The following ZNF184 variants were observed in gnomAD, a reference collection of about 807,000 sequenced individuals.
ZNF184 encodes zinc finger protein 184 (Kruppel-like).
ZNF184 carries 16 observed loss-of-function variants against 54.4 expected under a neutral mutation model. That is an observed-to-expected ratio of 0.29 (90% confidence interval 0.20 to 0.45). The LOEUF (loss-of-function observed/expected upper bound fraction) is 0.45. Ranked by LOEUF, ZNF184 falls within the 20% of genes least tolerant of loss-of-function variation. The pLI is 1.00. For synonymous variants in ZNF184, 254 were observed against 295.3 expected, an observed-to-expected ratio of 0.86 and a Z score of 1.43; for missense variants, 681 against 888.2, an observed-to-expected ratio of 0.77 and a Z score of 2.97.
the ZNF184 span, among the ~76,000 whole-genome samples, chr6:27,429,533 A>G: frequency 6.6e-6 from 1 of 152,154 alleles, no homozygotes; most frequent in East Asian, 1.9e-4. Context: ...AGCTCTCATC[A>G]GTCAGTGGTG....
intron 3 of ZNF184, among the ~76,000 whole-genome samples, chr6:27,464,972 G>A (rs1347366287): frequency 2.4e-5 from 3 of 124,480 alleles, no homozygotes; most frequent in East Asian, 2.4e-4. Context: ...AGCCGAGATC[G>A]CCCCACTGCA....
chr6:27,456,859 T>C lies in ZNF184; in HGVS notation c.265A>G (p.Met89Val), dbSNP rs1198525191. The C allele has an allele frequency of 1.2e-6, 2 of 1,614,188 alleles. No individual in the cohort carries two copies. The highest frequency in any genetic ancestry group is 1.7e-6 in the Non-Finnish European group (2 of 1,180,022). Residue 89 changes from methionine (M) to valine (V), a missense_variant, in exon 5 of 6, where the codon ATG becomes GTG. Coordinates refer to ENST00000683788, the MANE Select transcript of ZNF184 (RefSeq NM_001318891.2). ...QLEQGTEPWI[M>V]EPSIPVGTCA... Reference sequence around the variant, plus strand: ...GTACCTACTGGAATGCTTGGCTCCATGATCCATGGCTCTGTCCCTTGCTCT... The same window carrying C: ...GTACCTACTGGAATGCTTGGCTCCACGATCCATGGCTCTGTCCCTTGCTCT...
At chr6:27,416,796 T>A in the ZNF184 span, among the ~76,000 whole-genome samples, 1 of 152,332 alleles carries the variant, frequency 6.6e-6, no homozygotes, top group East Asian at 1.9e-4. Flanking sequence ...TTGGAATTTT[T>A]AAAGTAATTT....
chr6:27,442,053 C>T, the ZNF184 span, among the ~76,000 whole-genome samples: 84 of 152,314 alleles, frequency 5.5e-4, no homozygotes, highest in African/African-American at 1.8e-3. Context: ...ATAGAGATCA[C>T]ACCAACATTG....
the ZNF184 span, among the ~76,000 whole-genome samples, chr6:27,434,613 C>T: frequency 6.6e-6 from 1 of 152,024 alleles, no homozygotes; most frequent in African/African-American, 2.4e-5. Context: ...TGTGGGTTGC[C>T]TTTTCACCTT....
At chr6:27,429,274 T>A in the ZNF184 span, among the ~76,000 whole-genome samples, 1 of 152,188 alleles carries the variant, frequency 6.6e-6, no homozygotes. Flanking sequence ...TCTTTGCCTC[T>A]CTTCCTTTTG....
chr6:27,421,102 T>C, the ZNF184 span, among the ~76,000 whole-genome samples: 1 of 152,232 alleles, frequency 6.6e-6, no homozygotes, highest in Admixed American at 6.5e-5. Context: ...AGGGATTAAC[T>C]GGTGAAGCAC....
rs182253281 is a variant in ZNF184 at position 27,453,002 on chromosome 6, C to T, written c.557G>A (p.Ser186Asn). The stretch of plus-strand genomic sequence containing the variant: ...TACAAGGTTTGAACTCACATTGACA[C>T]TTTTCCCAAATTCATTATTTACAGG... ...KGPVNNEFGK[S>N]VNVSSNLVTQ... Residue 186 changes from serine (S) to asparagine (N), a missense_variant, in exon 6 of 6, where the codon AGT (serine) becomes AAT (asparagine). Transcript: ENST00000683788. This position sits in a 1 kb window ranked among gnomAD's most constrained non-coding sequence, Gnocchi z 4.7. 34 of 1,614,138 alleles carry T rather than the reference C, an allele frequency of 2.1e-5. No individual in the cohort carries two copies. In the African/African-American group the frequency reaches 4.0e-4, roughly 19 times the overall value.
At chr6:27,434,010 C>CCTCTCTTTTCTTTCTTT in the ZNF184 span, among the ~76,000 whole-genome samples, 1 of 59,616 alleles carries the variant, frequency 1.7e-5, no homozygotes, top group Non-Finnish European at 3.2e-5. Flanking sequence ...TTTCTTTCTT[C>CCTCTCTTTTCTTTCTTT]CTCTCTTTTC....
At chr6:27,424,921 A>G in the ZNF184 span, among the ~76,000 whole-genome samples, 4 of 151,942 alleles carry the variant, frequency 2.6e-5, no homozygotes, top group Admixed American at 2.6e-4. Context: ...GAGCCCATGG[A>G]GGGGGTGGGA....
chr6:27,442,074 C>T, the ZNF184 span, among the ~76,000 whole-genome samples: 226 of 152,262 alleles, frequency 1.5e-3, 1 homozygote, highest in African/African-American at 5.4e-3. Context: ...TCATATGTGC[C>T]TCTAATTCTT....
chr6:27,418,202 GGGAAAA>G, the ZNF184 span, among the ~76,000 whole-genome samples: 541 of 152,302 alleles, frequency 3.6e-3, 5 homozygotes, highest in African/African-American at 0.013. Flanking sequence ...TCAGAGGCCA[GGGAAAA>G]GGTAGTCATG....
the ZNF184 span, among the ~76,000 whole-genome samples, chr6:27,408,743 G>A: frequency 6.6e-6 from 1 of 152,108 alleles, no homozygotes; most frequent in Non-Finnish European, 1.5e-5. Flanking sequence ...GAATTTAAAT[G>A]TTTTCTAATC....
In ZNF184 at chr6:27,451,085, GAAA is replaced by G; in HGVS notation, c.*215_*217del. On this transcript the variant is annotated 3_prime_UTR_variant, in exon 6 of 6. Transcript: ENST00000683788. ...ACTCCAAATCCTTCATTCCATAAAG[GAAA>G]CTAAAGCTTAAAACAGTAGAGTTTT... 2.2e-6 allele frequency: 1 copy of G among 458,098 alleles called. No individual in the cohort carries two copies. Among genetic ancestry groups the G allele is most frequent in the East Asian group, 3.4e-5 (1 of 29,494 alleles). The allele number at this position is 458,098 out of a possible 1,614,324, so 28.4% of individuals were successfully genotyped here.
chr6:27,456,846 A>G lies in ZNF184; in HGVS notation c.278T>C (p.Ile93Thr). Residue 93 changes from isoleucine to threonine, a missense_variant, in exon 5 of 6, where the codon ATT (isoleucine) becomes ACT (threonine). Transcript: ENST00000683788. ...CTTACCTGCACAGGTACCTACTGGA[A>G]TGCTTGGCTCCATGATCCATGGCTC... ...GTEPWIMEPS[I>T]PVGTCADWET... is the part of the protein sequence containing the mutation. The G allele has an allele frequency of 6.2e-7, 1 of 1,614,152 alleles. No homozygotes were observed. Among genetic ancestry groups the G allele is most frequent in the Non-Finnish European group, 8.5e-7 (1 of 1,180,020 alleles).
chr6:27,456,827 T>A lies in ZNF184; in HGVS notation c.297A>T (p.Ala99=). The A allele has an allele frequency of 6.2e-7, 1 of 1,613,836 alleles. No individual in the cohort carries two copies. The highest frequency in any genetic ancestry group is 8.5e-7 in the Non-Finnish European group (1 of 1,179,846). ...MEPSIPVGTC[A]DWETRLENSV... ...CATCTGCTGGCATCCATGACTTACC[T>A]GCACAGGTACCTACTGGAATGCTTG... The change falls in exon 5 of 6, where the codon GCA becomes GCT. Residue 99 remains alanine, a splice_region_variant and synonymous_variant. Coordinates refer to ENST00000683788, the MANE Select transcript of ZNF184 (RefSeq NM_001318891.2).
the ZNF184 span, among the ~76,000 whole-genome samples, chr6:27,434,218 G>T: frequency 6.6e-6 from 1 of 152,100 alleles, no homozygotes; most frequent in Non-Finnish European, 1.5e-5. Context: ...GGATCATGTG[G>T]TAATCCTGTT....
intron 3 of ZNF184, among the ~76,000 whole-genome samples, chr6:27,467,154 G>T (rs1763159199): frequency 6.6e-6 from 1 of 152,018 alleles, no homozygotes; most frequent in Admixed American, 6.6e-5. Context: ...TGTTTTAGAG[G>T]CATCCCAAGT....
At chr6:27,466,689 T>G (rs1763148156) in intron 3 of ZNF184, among the ~76,000 whole-genome samples, 1 of 149,458 alleles carries the variant, frequency 6.7e-6, no homozygotes. Flanking sequence ...AAAAAAAAAA[T>G]ACCAAAAGTA....
Sources: allele counts gnomAD v4.1 joint callset (sites outside exome capture counted in the v4.1 genomes callset), GRCh38; gene constraint gnomAD v4.1.1; non-coding constraint Gnocchi (gnomAD v3.1); transcripts MANE v1.5; gene names NCBI Gene and HGNC (gene_info 2026-07-23, HGNC 2026-07-21).